Variants in KCNIP4 observed in about 807,000 individuals in gnomAD.
KCNIP4 encodes Kv channel-interacting protein 4.
A neutral mutation model predicts 34.0 loss-of-function variants in KCNIP4; 12 were observed. The observed-to-expected ratio is 0.35, with a 90% CI of 0.23 to 0.57. The LOEUF (loss-of-function observed/expected upper bound fraction) is 0.57. Ranked by LOEUF, KCNIP4 falls within the 20% of genes least tolerant of loss-of-function variation. The pLI, the probability that KCNIP4 is intolerant of heterozygous loss-of-function variation, is 0.83. For missense variants in KCNIP4, 238 were observed against 311.7 expected (o/e 0.76, Z 1.78); for synonymous variants, 124 against 102.2 (o/e 1.21, Z -1.29).
chr4:21,056,974 A>C (rs922438053), intron 1 of KCNIP4, among the ~76,000 whole-genome samples: 1 of 152,122 alleles, frequency 6.6e-6, no homozygotes, highest in African/African-American at 2.4e-5. Flanking sequence ...AGAAATATTT[A>C]TTGTTTGGTT....
chr4:20,761,770 T>C (rs540513184), intron 3 of KCNIP4, among the ~76,000 whole-genome samples: 12 of 152,246 alleles, frequency 7.9e-5, no homozygotes, highest in Non-Finnish European at 8.8e-5. Flanking sequence ...ATGTGTTTTA[T>C]GTTTAATCAC....
At chr4:21,107,190 C>T (rs1408808694) in intron 1 of KCNIP4, among the ~76,000 whole-genome samples, 1 of 147,170 alleles carries the variant, frequency 6.8e-6, no homozygotes, top group Admixed American at 6.7e-5. Context: ...CTAATGTTGA[C>T]AGTGGGGTGT....
Position 21,055,854 on chromosome 4 carries a change from A to G in KCNIP4, c.62-173145T>C, listed in dbSNP as rs976346138. On this transcript the variant is annotated intron_variant, in intron 1 of 8. Coordinates refer to ENST00000382152, the MANE Select transcript of KCNIP4 (RefSeq NM_025221.6). ...AAAAAATACTCTGTATGATACTGTA[A>G]TGATGGACACGTGTCATTATACATA... is the stretch of plus-strand genomic sequence containing the variant. Among the ~76,000 whole-genome samples the G allele has an allele frequency of 3.9e-5, 6 of 152,332 alleles. No individual in the cohort carries two copies. The East Asian group carries it at 1.2e-3, about 29-fold the overall frequency.
chr4:21,553,551 C>T (rs1738750923), intron 1 of KCNIP4, among the ~76,000 whole-genome samples: 2 of 151,976 alleles, frequency 1.3e-5, no homozygotes, highest in South Asian at 4.1e-4. Context: ...ATGCACTTGT[C>T]CTACCTGAGA....
chr4:21,636,238 T>C (rs1746145394), intron 1 of KCNIP4, among the ~76,000 whole-genome samples: 1 of 149,712 alleles, frequency 6.7e-6, no homozygotes, highest in Non-Finnish European at 1.5e-5. Flanking sequence ...CATGTATACA[T>C]ATGTAACTAA....
intron 1 of KCNIP4, among the ~76,000 whole-genome samples, chr4:21,898,524 G>C (rs1204208613): frequency 6.6e-6 from 1 of 152,084 alleles, no homozygotes; most frequent in Non-Finnish European, 1.5e-5. Context: ...AACATTTCTA[G>C]ACACAGCCTA....
intron 1 of KCNIP4, among the ~76,000 whole-genome samples, chr4:21,376,774 G>A (rs1052643774): frequency 6.6e-6 from 1 of 152,210 alleles, no homozygotes; most frequent in African/African-American, 2.4e-5. Flanking sequence ...AGGGGACTCA[G>A]TAATTGGTCC....
At chr4:20,948,520 C>T (rs1010429136) in intron 1 of KCNIP4, among the ~76,000 whole-genome samples, 5 of 152,172 alleles carry the variant, frequency 3.3e-5, no homozygotes, top group Non-Finnish European at 7.3e-5. Context: ...GGAGCATCTT[C>T]GTTACACTCC....
intron 1 of KCNIP4, among the ~76,000 whole-genome samples, chr4:20,890,912 T>C (rs1725850603): frequency 6.6e-6 from 1 of 152,172 alleles, no homozygotes; most frequent in Non-Finnish European, 1.5e-5. Flanking sequence ...AGTGGTGGCA[T>C]ATGCAAGTGG....
At chr4:21,382,138 C>T (rs1386789337) in intron 1 of KCNIP4, among the ~76,000 whole-genome samples, 2 of 152,148 alleles carry the variant, frequency 1.3e-5, no homozygotes, top group Non-Finnish European at 2.9e-5. Flanking sequence ...GATAACAGCA[C>T]ATGCTGAAAT....
At chr4:21,564,804 C>T (rs934117798) in intron 1 of KCNIP4, among the ~76,000 whole-genome samples, 6 of 151,864 alleles carry the variant, frequency 4.0e-5, no homozygotes, top group African/African-American at 9.7e-5. Flanking sequence ...GCAGAGGTGA[C>T]GCAGTGAGAG....
intron 1 of KCNIP4, among the ~76,000 whole-genome samples, chr4:21,281,521 G>A (rs1762774379): frequency 6.6e-6 from 1 of 152,182 alleles, no homozygotes; most frequent in Non-Finnish European, 1.5e-5. Flanking sequence ...TGTGAAGATG[G>A]TAGAGAAACT....
intron 1 of KCNIP4, among the ~76,000 whole-genome samples, chr4:21,731,220 AC>A (rs1715574502): frequency 6.6e-6 from 1 of 152,102 alleles, no homozygotes; most frequent in Admixed American, 6.5e-5. Flanking sequence ...CCACTGTTAG[AC>A]AATTTTAACT....
intron 1 of KCNIP4, among the ~76,000 whole-genome samples, chr4:21,569,767 T>A (rs893715638): frequency 1.3e-4 from 20 of 151,996 alleles, no homozygotes. Flanking sequence ...CTTTAGGAAG[T>A]TGCTACCATT....
intron 1 of KCNIP4, among the ~76,000 whole-genome samples, chr4:20,917,961 T>C (rs559702997): frequency 1.3e-5 from 2 of 152,278 alleles, no homozygotes; most frequent in South Asian, 4.1e-4. Flanking sequence ...ATGACACAGC[T>C]CTAACCTTTT....
rs1277259112 is a variant in KCNIP4 at position 21,234,462 on chromosome 4, G to A, written c.62-351753C>T. Among the ~76,000 whole-genome samples, 99 of 96,450 alleles carry A rather than the reference G, an allele frequency of 1.0e-3. 17 individuals are homozygous for A. The highest frequency in any genetic ancestry group is 5.5e-3 in the Middle Eastern group (1 of 182). 63.3% of individuals were successfully genotyped at this position (96,450 alleles called of 152,430 possible). On this transcript the variant is annotated intron_variant, in intron 1 of 8. Coordinates refer to ENST00000382152, the MANE Select transcript of KCNIP4 (RefSeq NM_025221.6). Reference sequence around the variant, plus strand: ...GTATATAATATATATTACATATAACGTATATAATATATAGTACATATAACG... The same window carrying A: ...GTATATAATATATATTACATATAACATATATAATATATAGTACATATAACG...
intron 1 of KCNIP4, among the ~76,000 whole-genome samples, chr4:21,923,100 C>A (rs1469537004): frequency 6.6e-6 from 1 of 152,154 alleles, no homozygotes; most frequent in African/African-American, 2.4e-5. Context: ...CCACCCTATT[C>A]TCTGCCAGCT....
At chr4:21,381,914 T>C (rs1204099125) in intron 1 of KCNIP4, among the ~76,000 whole-genome samples, 2 of 151,986 alleles carry the variant, frequency 1.3e-5, no homozygotes, top group Non-Finnish European at 2.9e-5. Flanking sequence ...TAGCATGGAG[T>C]CATATATTAG....
chr4:21,535,851 C>T (rs958327635), intron 1 of KCNIP4, among the ~76,000 whole-genome samples: 20 of 152,136 alleles, frequency 1.3e-4, no homozygotes, highest in Admixed American at 3.3e-4. Context: ...TCTAGATCAA[C>T]AATCCCTAAA....
Sources: gnomAD v4.1 joint callset for allele counts (sites outside exome capture counted in the v4.1 genomes callset) on GRCh38, gnomAD v4.1.1 for gene constraint, MANE v1.5 for transcripts, NCBI Gene and HGNC (gene_info 2026-07-23, HGNC 2026-07-21) for gene names.